HGSNAT: variants seen among roughly 807,000 people sequenced by gnomAD.
HGSNAT encodes the protein heparan-alpha-glucosaminide N-acetyltransferase, also known as transmembrane protein 76.
HGSNAT carries 59 observed loss-of-function variants against 85.2 expected under a neutral mutation model. The ratio of observed to expected loss-of-function variants is 0.69; its 90% CI spans 0.56 to 0.86. The LOEUF is 0.86. Ranked by LOEUF, HGSNAT falls within the 40% of genes least tolerant of loss-of-function variation. The pLI, the probability that HGSNAT is intolerant of heterozygous loss-of-function variation, is 0.00. For synonymous variants in HGSNAT, 321 were observed against 304.5 expected (o/e 1.05, Z -0.56); for missense variants, 756 against 777.1 (o/e 0.97, Z 0.32).
rs149286781 is a variant in HGSNAT, at chr8:43,149,495, G to A, written c.234+2432G>A. Among the ~76,000 whole-genome samples the A allele has an allele frequency of 1.3e-3, 201 of 152,174 alleles. 1 individual carries two copies. The highest frequency in any genetic ancestry group is 0.011 in the South Asian group (52 of 4,820). On this transcript the variant is annotated intron_variant, in intron 2 of 17. Transcript: ENST00000379644. ...GGGCGGATCACGAAGTCAGGAGATC[G>A]AGACCATCCTGGCTAGCACCGTGAA...
At chr8:43,144,213 T>A (rs560884683) in intron 1 of HGSNAT, among the ~76,000 whole-genome samples, 1 of 151,166 alleles carries the variant, frequency 6.6e-6, no homozygotes, top group South Asian at 2.1e-4. Flanking sequence ...TAGTCCCAGC[T>A]ACTTGGGAGG....
intron 5 of HGSNAT, chr8:43,167,915 C>A (rs950076110): frequency 3.0e-5 from 8 of 270,854 alleles, no homozygotes; most frequent in South Asian, 6.0e-5. Context: ...TCTTTCTTTT[C>A]TTTCTTTCTT....
intron 1 of HGSNAT, among the ~76,000 whole-genome samples, chr8:43,143,339 A>T (rs1184650882): frequency 6.6e-6 from 1 of 152,170 alleles, no homozygotes; most frequent in African/African-American, 2.4e-5. Flanking sequence ...TATGAGGGAA[A>T]CATGGAAAGG....
At chr8:43,154,226 G>A (rs188128895) in intron 2 of HGSNAT, among the ~76,000 whole-genome samples, 11 of 151,960 alleles carry the variant, frequency 7.2e-5, no homozygotes, top group Admixed American at 5.9e-4. Flanking sequence ...TCAGTTTTAG[G>A]GTACATGTGC....
Position 43,196,982 on chromosome 8 carries a change from C to T in HGSNAT, c.1499C>T (p.Thr500Ile). Residue 500 changes from threonine to isoleucine, a missense_variant, in exon 15 of 18, where the codon ACC becomes ATC. Transcript: ENST00000379644. ...ATACTATTGTATTACAAGGCTCGGA[C>T]CAAAGACATCCTGATTCGATTCACT... ...GKILLYYKAR[T>I]KDILIRFTAW... The T allele has an allele frequency of 1.2e-6, 2 of 1,612,338 alleles. No homozygotes were observed. The highest frequency in any genetic ancestry group is 1.7e-6 in the Non-Finnish European group (2 of 1,178,442).
At chr8:43,172,638 G>A (rs145743135) in intron 8 of HGSNAT, among the ~76,000 whole-genome samples, 6 of 152,344 alleles carry the variant, frequency 3.9e-5, no homozygotes, top group African/African-American at 1.4e-4. Context: ...AGTTTCTGCT[G>A]TGGGACTGAG....
At chr8:43,174,953 C>A (rs1032211897) in intron 9 of HGSNAT, among the ~76,000 whole-genome samples, 2 of 151,896 alleles carry the variant, frequency 1.3e-5, no homozygotes, top group African/African-American at 4.8e-5. Flanking sequence ...CCTTCTATCG[C>A]CCTGAGTTCA....
chr8:43,166,487 T>C lies in HGSNAT; in HGVS notation c.564-2686T>C, dbSNP rs1803439943. 2.0e-5 allele frequency among the ~76,000 whole-genome samples: 3 copies of C among 152,358 alleles called. 1 individual carries two copies. The South Asian group carries it at 6.2e-4, about 32-fold the overall frequency. ...AGAATTATGCTAAATCTCCTCTGTC[T>C]GTGCTCAATAAATGGAACAGCAAAG... On this transcript the variant is annotated intron_variant, in intron 5 of 17. Coordinates refer to ENST00000379644, the MANE Select transcript of HGSNAT (RefSeq NM_152419.3).
Position 43,150,796 on chromosome 8 carries a change from T to G in HGSNAT, c.234+3733T>G, listed in dbSNP as rs186163373. Among the ~76,000 whole-genome samples the G allele has an allele frequency of 1.4e-3, 209 of 151,942 alleles. 7 individuals carry two copies. The East Asian group carries it at 0.024, about 18-fold the overall frequency. The stretch of plus-strand genomic sequence containing the variant: ...TTGCAAAGAGCCAAGATTGCGCCAC[T>G]GCACTCCAGCCTGGGTGACAGAGCG... On this transcript the variant is annotated intron_variant, in intron 2 of 17. Coordinates refer to ENST00000379644, the MANE Select transcript of HGSNAT (RefSeq NM_152419.3).
chr8:43,143,406 C>T (rs867821963), intron 1 of HGSNAT, among the ~76,000 whole-genome samples: 5 of 152,152 alleles, frequency 3.3e-5, no homozygotes, highest in African/African-American at 9.7e-5. Context: ...ACTGGTTAGC[C>T]GTTATGTGCA....
chr8:43,172,494 C>G, intron 8 of HGSNAT, 108 bp downstream of exon 8: 1 of 790,266 alleles, frequency 1.3e-6, no homozygotes, highest in Non-Finnish European at 2.1e-6. Flanking sequence ...TGAGCCCCAG[C>G]AGCCTCCTCT....
Position 43,159,012 on chromosome 8 carries a change from C to T in HGSNAT, c.461C>T (p.Ala154Val). 1 of 1,613,714 alleles carries T rather than the reference C, an allele frequency of 6.2e-7. No individual in the cohort carries two copies. The highest frequency in any genetic ancestry group is 8.5e-7 in the Non-Finnish European group (1 of 1,179,732). The change falls in exon 4 of 18, where the codon GCT becomes GTT. Residue 154 changes from alanine (A) to valine (V), a missense_variant. Transcript: ENST00000379644. The part of the protein sequence containing the change: ...NGVSEIACDL[A>V]VNEDPVDSNL... Reference sequence around the variant, plus strand: ...GTTAGTGAAATTGCCTGTGACCTGGCTGTGAACGAGGATCCAGTTGATAGT... The same window carrying T: ...GTTAGTGAAATTGCCTGTGACCTGGTTGTGAACGAGGATCCAGTTGATAGT...
At chr8:43,140,807 G>C (rs1802496907) in intron 1 of HGSNAT, among the ~76,000 whole-genome samples, 193 bp downstream of exon 1, 2 of 152,078 alleles carry the variant, frequency 1.3e-5, no homozygotes, top group African/African-American at 2.4e-5. Flanking sequence ...TGCTGCGGCC[G>C]GGCCCCGCGG....
intron 2 of HGSNAT, among the ~76,000 whole-genome samples, chr8:43,153,334 A>T (rs1347310861): frequency 6.6e-6 from 1 of 152,190 alleles, no homozygotes; most frequent in East Asian, 1.9e-4. Context: ...AAAAAATTTT[A>T]AAAGGCAGAA....
At chr8:43,143,602 A>G (rs1802620424) in intron 1 of HGSNAT, among the ~76,000 whole-genome samples, 1 of 150,990 alleles carries the variant, frequency 6.6e-6, no homozygotes, top group Admixed American at 6.6e-5. Context: ...CAGTGGTGCG[A>G]ACTCAGCTCA....
intron 1 of HGSNAT, among the ~76,000 whole-genome samples, chr8:43,141,104 C>T (rs1411506110): frequency 6.6e-6 from 1 of 152,236 alleles, no homozygotes; most frequent in Non-Finnish European, 1.5e-5. Context: ...GACCCATTGG[C>T]TTCAGCGGGT....
At chr8:43,193,681 G>A (rs1423706779) in intron 13 of HGSNAT, 76 bp from the exon 14 acceptor site, 14 of 929,286 alleles carry the variant, frequency 1.5e-5, no homozygotes, top group Middle Eastern at 2.2e-4. Context: ...ATTCAGGTTT[G>A]TATTTGGTCT....
intron 2 of HGSNAT, among the ~76,000 whole-genome samples, chr8:43,147,424 G>A (rs1802753986): frequency 6.6e-6 from 1 of 152,128 alleles, no homozygotes; most frequent in South Asian, 2.1e-4. Context: ...GCAAGTTGAG[G>A]GAGTGGCAGT....
At chr8:43,164,578 G>A (rs1352304367) in intron 5 of HGSNAT, among the ~76,000 whole-genome samples, 3 of 152,060 alleles carry the variant, frequency 2.0e-5, no homozygotes, top group South Asian at 2.1e-4. Context: ...TCAGGAGTTC[G>A]AGACCAGCCT....
Sources: gnomAD v4.1 joint callset for allele counts (sites outside exome capture counted in the v4.1 genomes callset) on GRCh38, gnomAD v4.1.1 for gene constraint, MANE v1.5 for transcripts, NCBI Gene and HGNC (gene_info 2026-07-23, HGNC 2026-07-21) for gene names.